Variants in ZNF407 observed in about 807,000 individuals in gnomAD.
ZNF407 encodes the protein zinc finger protein 407.
Under a neutral mutation model 131.2 loss-of-function variants are expected in ZNF407, and 17 were observed. The ratio of observed to expected loss-of-function variants is 0.13; its 90% CI spans 0.09 to 0.19. The LOEUF is 0.19. Among genes scored for constraint, ZNF407 ranks in the 10% least tolerant of loss-of-function variants. ZNF407 has a pLI of 1.00. For missense variants in ZNF407, 2,681 were observed against 2,830.6 expected (o/e 0.95, Z 1.20); for synonymous variants, 1,156 against 1,062.0 (o/e 1.09, Z -1.72).
At chr18:74,814,363 G>A (rs1209599292) in intron 4 of ZNF407, among the ~76,000 whole-genome samples, 1 of 152,012 alleles carries the variant, frequency 6.6e-6, no homozygotes, top group Non-Finnish European at 1.5e-5. Flanking sequence ...GGCCTCTAAT[G>A]ATCCTCCTGC....
At chr18:74,924,231 T>C (rs1223870277) in intron 8 of ZNF407, among the ~76,000 whole-genome samples, 1 of 152,212 alleles carries the variant, frequency 6.6e-6, no homozygotes, top group East Asian at 1.9e-4. Flanking sequence ...CTAGTAAGAT[T>C]CTGCTTCTTA....
chr18:74,826,023 T>C (rs901935940), intron 4 of ZNF407, among the ~76,000 whole-genome samples: 3 of 152,242 alleles, frequency 2.0e-5, no homozygotes, highest in Non-Finnish European at 4.4e-5. Context: ...GGTTGTATTT[T>C]ATACACTTAC....
chr18:75,006,833 T>C (rs911838789), intron 8 of ZNF407, among the ~76,000 whole-genome samples: 1 of 152,276 alleles, frequency 6.6e-6, no homozygotes, highest in Admixed American at 6.5e-5. Context: ...TTTTTTCTTT[T>C]TTTTTCTTTG....
intron 3 of ZNF407, among the ~76,000 whole-genome samples, chr18:74,643,552 T>A (rs995758034): frequency 2.6e-5 from 4 of 151,970 alleles, no homozygotes; most frequent in Non-Finnish European, 4.4e-5. Context: ...ATAAAAAAAT[T>A]GGGCAGTCAC....
intron 7 of ZNF407, among the ~76,000 whole-genome samples, chr18:74,893,003 A>T (rs1177644098): frequency 6.6e-6 from 1 of 152,192 alleles, no homozygotes; most frequent in Non-Finnish European, 1.5e-5. Flanking sequence ...ATTTATGCAT[A>T]CAAGTATTTC....
intron 3 of ZNF407, among the ~76,000 whole-genome samples, chr18:74,683,413 A>G (rs1054757459): frequency 6.6e-6 from 1 of 152,202 alleles, no homozygotes; most frequent in Non-Finnish European, 1.5e-5. Context: ...TAAAACTAAC[A>G]TTTGCTGTGG....
intron 3 of ZNF407, among the ~76,000 whole-genome samples, chr18:74,746,057 G>A (rs1332266648): frequency 6.6e-6 from 1 of 152,144 alleles, no homozygotes; most frequent in African/African-American, 2.4e-5. Context: ...AGATGATAGA[G>A]CCTACCACAC....
chr18:74,900,925 G>A (rs767143126), intron 7 of ZNF407, among the ~76,000 whole-genome samples: 15 of 152,030 alleles, frequency 9.9e-5, no homozygotes, highest in African/African-American at 2.9e-4. Flanking sequence ...TCAAATTGCC[G>A]GTTTTTTTCT....
intron 8 of ZNF407, among the ~76,000 whole-genome samples, chr18:74,979,047 C>T (rs1018830265): frequency 2.6e-5 from 4 of 152,174 alleles, no homozygotes; most frequent in East Asian, 1.9e-4. Context: ...GACGACTTCG[C>T]GGGCAGCACT....
At position 75,057,574 on chromosome 18, in the gene ZNF407, G is replaced by A. The variant is rs150833034; in HGVS notation, c.5429-5576G>A. Among the ~76,000 whole-genome samples, 80 of 152,308 alleles carry A rather than the reference G, an allele frequency of 5.3e-4. No homozygotes were observed. In the East Asian group the frequency reaches 0.013, roughly 25 times the overall value. On this transcript the variant is annotated intron_variant, in intron 8 of 8. Transcript: ENST00000299687. ...GTTAGATAAGTTTTACAGCCAGCAC[G>A]TGTGCGGCCGAGGAGCCCAAGCCTG...
intron 8 of ZNF407, among the ~76,000 whole-genome samples, chr18:74,966,893 G>T (rs1972416192): frequency 6.6e-6 from 1 of 152,064 alleles, no homozygotes; most frequent in African/African-American, 2.4e-5. Context: ...TTAATTCTTA[G>T]ATATTTAATT....
intron 8 of ZNF407, among the ~76,000 whole-genome samples, chr18:75,000,191 C>T (rs1174889302): frequency 2.0e-5 from 3 of 152,044 alleles, no homozygotes; most frequent in African/African-American, 4.8e-5. Flanking sequence ...GTCAGGGGGA[C>T]GTGAGTTGGA....
At chr18:74,647,528 C>T (rs1019866242) in intron 3 of ZNF407, among the ~76,000 whole-genome samples, 7 of 152,162 alleles carry the variant, frequency 4.6e-5, no homozygotes, top group Admixed American at 3.9e-4. Context: ...TAGCCATTCT[C>T]CTGATTTCCT....
chr18:74,806,616 C>A (rs925998390), intron 4 of ZNF407, among the ~76,000 whole-genome samples: 5 of 152,198 alleles, frequency 3.3e-5, no homozygotes, highest in Non-Finnish European at 7.3e-5. Context: ...AAAATGACAA[C>A]ATGTCATAGT....
intron 1 of ZNF407, among the ~76,000 whole-genome samples, chr18:74,615,065 GCTTA>G (rs1216317854): frequency 2.0e-5 from 3 of 152,166 alleles, no homozygotes; most frequent in African/African-American, 7.2e-5. Context: ...CCTCTTCCAT[GCTTA>G]CTTTCTTCTG....
In ZNF407 at chr18:74,633,159, A is replaced by G; in HGVS notation, c.2140A>G (p.Thr714Ala). 6.2e-7 allele frequency: 1 copy of G among 1,613,116 alleles called. No individual in the cohort carries two copies. The highest frequency in any genetic ancestry group is 2.2e-5 in the East Asian group (1 of 44,866). Residue 714 changes from threonine to alanine, a missense_variant, in exon 2 of 9, where the codon ACA (threonine) becomes GCA (alanine). Physicochemically the swap from Thr to Ala is moderately conservative, Grantham distance 58 (BLOSUM62 0). Transcript: ENST00000299687. ...TCAGTGTAAGAAGTGTTTTTATAAAACAAGATCTTCTACTGTTCTCACGAG... is the reference window on the plus strand; with the variant it reads ...TCAGTGTAAGAAGTGTTTTTATAAAGCAAGATCTTCTACTGTTCTCACGAG... ...QFQCKKCFYK[T>A]RSSTVLTRHI...
chr18:74,891,370 T>G (rs1056166447), intron 7 of ZNF407, among the ~76,000 whole-genome samples: 2 of 152,210 alleles, frequency 1.3e-5, no homozygotes, highest in African/African-American at 4.8e-5. Flanking sequence ...AGCCCACTTT[T>G]GTTGAATATT....
intron 3 of ZNF407, among the ~76,000 whole-genome samples, chr18:74,734,679 G>A (rs901445664): frequency 4.9e-5 from 7 of 143,134 alleles, no homozygotes; most frequent in Non-Finnish European, 8.9e-5. Context: ...ATTTGTGTGT[G>A]TGTGTGTGTG....
intron 3 of ZNF407, among the ~76,000 whole-genome samples, chr18:74,698,104 T>A (rs576522772): frequency 6.6e-6 from 1 of 152,314 alleles, no homozygotes; most frequent in East Asian, 1.9e-4. Flanking sequence ...CTAAAAGCGA[T>A]CTATTATTTT....
Sources: allele counts gnomAD v4.1 joint callset (sites outside exome capture counted in the v4.1 genomes callset), GRCh38; gene constraint gnomAD v4.1.1; transcripts MANE v1.5; gene names NCBI Gene and HGNC (gene_info 2026-07-23, HGNC 2026-07-21).